The following SYNC variants were observed in gnomAD, a reference collection of about 807,000 sequenced individuals.
SYNC encodes syncoilin.
SYNC carries 38 observed loss-of-function variants against 49.5 expected under a neutral mutation model. That is an observed-to-expected ratio of 0.77 (90% CI 0.59 to 1.01). SYNC has a LOEUF of 1.01. Ranked by LOEUF, SYNC falls within the 50% of genes least tolerant of loss-of-function variation. The probability of loss-of-function intolerance (pLI) is 0.00; values close to 1 mark genes in which losing one functional copy is unlikely to be tolerated. For missense variants in SYNC, 579 were observed against 580.6 expected (o/e 1.00, Z 0.03); for synonymous variants, 201 against 230.8 (o/e 0.87, Z 1.17).
chr1:32,695,565 C>G lies in SYNC; in HGVS notation c.533G>C (p.Arg178Pro), dbSNP rs887271979. 5 of 1,551,478 alleles carry G rather than the reference C, an allele frequency of 3.2e-6. No individual in the cohort carries two copies. The African/African-American group carries it at 5.5e-5, about 17-fold the overall frequency. ...CACAGCTTGGACACACTGCTGGAAACGCCCCTCTAGCAATTCCAGGTCCTC... is the reference window on the plus strand; with the variant it reads ...CACAGCTTGGACACACTGCTGGAAAGGCCCCTCTAGCAATTCCAGGTCCTC... ...SIEDLELLEG[R>P]FQQCVQAVAQ... The change falls in exon 2 of 5, where the codon CGT becomes CCT. Residue 178 changes from arginine (R) to proline (P), a missense_variant. Arg to Pro is a moderately radical substitution (Grantham distance 103, BLOSUM62 -2). Transcript: ENST00000409190.
At chr1:32,701,143 G>C (rs895133788) in intron 1 of SYNC, among the ~76,000 whole-genome samples, 4 of 152,126 alleles carry the variant, frequency 2.6e-5, no homozygotes, top group African/African-American at 9.7e-5. Flanking sequence ...TTGAACTCCT[G>C]ACCTCAGGTG....
chr1:32,685,771 A>G (rs1206834833), intron 2 of SYNC: 1 of 152,272 alleles, frequency 6.6e-6, no homozygotes, highest in East Asian at 1.9e-4. Flanking sequence ...AGCAGTCTGC[A>G]CCACCAGTGA....
upstream of SYNC, chr1:32,702,771 G>T: frequency 1.1e-6 from 1 of 936,666 alleles, no homozygotes; most frequent in Non-Finnish European, 1.3e-6. The surrounding 1 kb of genome is among the most constrained non-coding windows in gnomAD (Gnocchi z 6.2). Flanking sequence ...ACCGGATCCC[G>T]GCCGGCCCCG....
chr1:32,697,545 G>A (rs1474808396), intron 1 of SYNC, among the ~76,000 whole-genome samples: 1 of 151,326 alleles, frequency 6.6e-6, no homozygotes, highest in East Asian at 2.0e-4. Context: ...GGCCAGCGTG[G>A]GCAACATGGC....
rs1419314891 is a variant in SYNC at position 32,680,896 on chromosome 1, GTCTA to G, written c.*950_*953del. 1.2e-5 allele frequency: 3 copies of G among 242,672 alleles called. No individual in the cohort carries two copies. The highest frequency in any genetic ancestry group is 2.4e-5 in the Non-Finnish European group (3 of 127,498). 15.0% of individuals were successfully genotyped at this position (242,672 alleles called of 1,614,324 possible). On this transcript the variant is annotated 3_prime_UTR_variant, in exon 5 of 5. Transcript: ENST00000409190. The stretch of plus-strand genomic sequence containing the variant: ...TTTGATAAGGTAACGTTTCTTTGAA[GTCTA>G]TCTGTAGAGAACTACATGGACTTCC...
intron 2 of SYNC, among the ~76,000 whole-genome samples, chr1:32,689,923 G>A (rs932742385): frequency 7.7e-6 from 1 of 129,622 alleles, no homozygotes; most frequent in Non-Finnish European, 1.6e-5. Flanking sequence ...CCTAGCAACA[G>A]AGTGAGACAC....
At chr1:32,693,177 G>A (rs570273313) in intron 2 of SYNC, among the ~76,000 whole-genome samples, 1 of 151,666 alleles carries the variant, frequency 6.6e-6, no homozygotes, top group African/African-American at 2.4e-5. Context: ...CCGCCTCCCG[G>A]GTTCAAGCGA....
chr1:32,692,089 T>C (rs1359644186), intron 2 of SYNC, among the ~76,000 whole-genome samples: 1 of 151,746 alleles, frequency 6.6e-6, no homozygotes, highest in Non-Finnish European at 1.5e-5. Context: ...AAAATTAGCC[T>C]GGTGCGGTGG....
intron 2 of SYNC, 170 bp from the exon 3 acceptor site, chr1:32,684,552 A>G (rs1199085128): frequency 5.4e-6 from 5 of 933,988 alleles, no homozygotes; most frequent in Non-Finnish European, 7.7e-6. Context: ...TGTGTCTTGG[A>G]AAAAAAGTGA....
At chr1:32,691,729 A>G (rs917678703) in intron 2 of SYNC, among the ~76,000 whole-genome samples, 1 of 152,168 alleles carries the variant, frequency 6.6e-6, no homozygotes, top group African/African-American at 2.4e-5. Flanking sequence ...AATTTTACCT[A>G]TATCTTTTCT....
In SYNC at chr1:32,695,363, CT is replaced by C; in HGVS notation, c.734del (p.Lys245SerfsTer5). On this transcript the variant is annotated frameshift_variant, in exon 2 of 5. Coordinates refer to ENST00000409190, the MANE Select transcript of SYNC (RefSeq NM_030786.3). LOFTEE classifies it high-confidence loss of function. ...CACATTCCTTTGTCACTTTGAAAAGCTTCTGCTTGACCAGCCGGATCTCCTC... is the reference window on the plus strand; with the variant it reads ...CACATTCCTTTGTCACTTTGAAAAGCTCTGCTTGACCAGCCGGATCTCCTC... ...LREEIRLVKQ[K>X]LFKVTKECVA... is the part of the protein sequence containing the mutation. 1 of 1,551,718 alleles carries C rather than the reference CT, an allele frequency of 6.4e-7. No individual in the cohort carries two copies. Among genetic ancestry groups the C allele is most frequent in the Non-Finnish European group, 8.7e-7 (1 of 1,147,074 alleles).
rs1650413846 is a variant in SYNC, at chr1:32,696,021, G to A, written c.77C>T (p.Ser26Phe). The A allele has an allele frequency of 1.3e-6, 2 of 1,537,696 alleles. No individual in the cohort carries two copies. Among genetic ancestry groups the A allele is most frequent in the South Asian group, 2.4e-5 (2 of 84,014 alleles). Reference protein sequence around the residue: ...AARKTRVEANSPLPKNSGSLN... With the variant: ...AARKTRVEANFPLPKNSGSLN... ...GGATCCAGAGTTCTTTGGAAGAGGA[G>A]AATTGGCCTCTACTCTTGTTTTCCT... Residue 26 changes from serine to phenylalanine, a missense_variant, in exon 2 of 5, where the codon TCT (serine) becomes TTT (phenylalanine). Coordinates refer to ENST00000409190, the MANE Select transcript of SYNC (RefSeq NM_030786.3).
chr1:32,698,410 T>G (rs560211028), intron 1 of SYNC, among the ~76,000 whole-genome samples: 18 of 152,086 alleles, frequency 1.2e-4, no homozygotes, highest in Admixed American at 1.1e-3. Flanking sequence ...TCCCAGCTAC[T>G]CGGGAGGCTG....
chr1:32,681,702 G>A lies in SYNC; in HGVS notation c.*148C>T. ...CTCTAGAATCTTTTTAAGCAGGTCA[G>A]CCAGTATTTGCAACTTCCACAGGAT... On this transcript the variant is annotated 3_prime_UTR_variant, in exon 5 of 5. Coordinates refer to ENST00000409190, the MANE Select transcript of SYNC (RefSeq NM_030786.3). 8.1e-7 allele frequency: 1 copy of A among 1,241,358 alleles called. No individual in the cohort carries two copies. The allele number at this position is 1,241,358 out of a possible 1,614,324, so 76.9% of individuals were successfully genotyped here. A position where few individuals can be genotyped will look rare whatever the true frequency, so the allele number is the denominator to read the frequency against.
Position 32,681,577 on chromosome 1 carries a change from C to T in SYNC, c.*273G>A. ...ATATGTGAGGGTTGTTGCTGGAAGACAGGAGGCTCATCTTTCCTTTCCTTG... is the reference window on the plus strand; with the variant it reads ...ATATGTGAGGGTTGTTGCTGGAAGATAGGAGGCTCATCTTTCCTTTCCTTG... On this transcript the variant is annotated 3_prime_UTR_variant, in exon 5 of 5. Coordinates refer to ENST00000409190, the MANE Select transcript of SYNC (RefSeq NM_030786.3). The T allele has an allele frequency of 1.2e-5, 7 of 564,292 alleles. No homozygotes were observed. The highest frequency in any genetic ancestry group is 2.2e-5 in the Non-Finnish European group (7 of 316,778). The allele number at this position is 564,292 out of a possible 1,614,324, so 35.0% of individuals were successfully genotyped here. A position where few individuals can be genotyped will look rare whatever the true frequency, so the allele number is the denominator to read the frequency against.
intron 2 of SYNC, among the ~76,000 whole-genome samples, chr1:32,693,642 T>C (rs1650271001): frequency 6.6e-6 from 1 of 152,120 alleles, no homozygotes; most frequent in South Asian, 2.1e-4. Context: ...AATACAACAA[T>C]AAGTAAAATG....
At chr1:32,687,231 G>T (rs1649888108) in intron 2 of SYNC, among the ~76,000 whole-genome samples, 1 of 151,822 alleles carries the variant, frequency 6.6e-6, no homozygotes, top group Non-Finnish European at 1.5e-5. Flanking sequence ...CGTGGTGGCA[G>T]GTGCCTGTAA....
At chr1:32,683,747 C>T (rs1649609345) in intron 4 of SYNC, 3 of 373,630 alleles carry the variant, frequency 8.0e-6, no homozygotes, top group Non-Finnish European at 1.5e-5. Context: ...ATTCTCCTGC[C>T]TTGGCCTCCT....
chr1:32,702,246 G>A lies in SYNC; in HGVS notation c.53+362C>T, dbSNP rs575683734. Among the ~76,000 whole-genome samples, 1 of 152,354 alleles carries A rather than the reference G, an allele frequency of 6.6e-6. No individual in the cohort carries two copies. Among genetic ancestry groups the A allele is most frequent in the South Asian group, 2.1e-4 (1 of 4,826 alleles). On this transcript the variant is annotated intron_variant, in intron 1 of 4. Transcript: ENST00000409190. The surrounding 1 kb of genome is among the most constrained non-coding windows in gnomAD (Gnocchi z 6.2). ...GCTTCCACACAGCCACTTCAGCAGGGGAGGCCTCTGTCTCCAACTGACATT... is the reference window on the plus strand; with the variant it reads ...GCTTCCACACAGCCACTTCAGCAGGAGAGGCCTCTGTCTCCAACTGACATT...
Sources: allele counts gnomAD v4.1 joint callset (sites outside exome capture counted in the v4.1 genomes callset), GRCh38; gene constraint gnomAD v4.1.1; non-coding constraint Gnocchi (gnomAD v3.1); transcripts MANE v1.5; gene names NCBI Gene and HGNC (gene_info 2026-07-23, HGNC 2026-07-21).